Variants in GABRG3 observed in about 807,000 individuals in gnomAD.
GABRG3 encodes gamma-aminobutyric acid receptor subunit gamma-3.
In GABRG3, 25 loss-of-function variants were observed where a neutral mutation model predicts 48.8. The observed-to-expected ratio is 0.51, with a 90% CI of 0.37 to 0.72. The LOEUF (loss-of-function observed/expected upper bound fraction) is 0.72, where lower values mean the gene tolerates loss of function less well. Among genes scored for constraint, GABRG3 ranks in the 30% least tolerant of loss-of-function variants. The pLI is 0.00. For synonymous variants in GABRG3, 227 were observed against 217.6 expected (o/e 1.04, Z -0.38); for missense variants, 394 against 577.9 (o/e 0.68, Z 3.26).
At chr15:27,143,924 G>A (rs1282464227) in intron 3 of GABRG3, among the ~76,000 whole-genome samples, 5 of 152,022 alleles carry the variant, frequency 3.3e-5, no homozygotes, top group Admixed American at 1.3e-4. Flanking sequence ...ACTAGAAAAC[G>A]GGAAATTTAT....
At position 27,075,393 on chromosome 15, in the gene GABRG3, T is replaced by C. The variant is rs1896894079; in HGVS notation, c.270+48572T>C. Among the ~76,000 whole-genome samples the C allele has an allele frequency of 2.6e-5, 4 of 152,336 alleles. No homozygotes were observed. In the South Asian group the frequency reaches 8.3e-4, roughly 32 times the overall value. ...AAGGGAAATGGAATCTTGGTTTATTTTGGCATCCTAGCATCAGGGATGGTG... is the reference window on the plus strand; with the variant it reads ...AAGGGAAATGGAATCTTGGTTTATTCTGGCATCCTAGCATCAGGGATGGTG... On this transcript the variant is annotated intron_variant, in intron 3 of 9. Coordinates refer to ENST00000615808, the MANE Select transcript of GABRG3 (RefSeq NM_033223.5).
chr15:27,136,217 A>T (rs2140386303), intron 3 of GABRG3, among the ~76,000 whole-genome samples: 1 of 152,326 alleles, frequency 6.6e-6, no homozygotes, highest in South Asian at 2.1e-4. Flanking sequence ...TAAGGCTCTG[A>T]AGAGCTATAC....
At chr15:27,137,703 T>C (rs1898034311) in intron 3 of GABRG3, among the ~76,000 whole-genome samples, 1 of 152,212 alleles carries the variant, frequency 6.6e-6, no homozygotes. Flanking sequence ...TTCACAGGAC[T>C]TGTCTCTAGT....
chr15:27,430,786 TC>T (rs1047290364), intron 5 of GABRG3, among the ~76,000 whole-genome samples: 2 of 151,858 alleles, frequency 1.3e-5, no homozygotes, highest in Non-Finnish European at 2.9e-5. Flanking sequence ...AGCCAGGAGT[TC>T]ATGACCAGCC....
intron 2 of GABRG3, among the ~76,000 whole-genome samples, chr15:27,021,611 C>T (rs966373878): frequency 5.3e-5 from 8 of 152,132 alleles, no homozygotes; most frequent in South Asian, 2.1e-4. Flanking sequence ...GAGGCCCAAG[C>T]GGGAAGGCTG....
intron 3 of GABRG3, among the ~76,000 whole-genome samples, chr15:27,096,130 G>A (rs1489145195): frequency 1.3e-5 from 2 of 152,170 alleles, no homozygotes; most frequent in Admixed American, 6.5e-5. Context: ...GTTCTTTCAC[G>A]ATTCACAGTG....
At chr15:27,362,264 T>A (rs888683826) in intron 5 of GABRG3, 15 of 152,256 alleles carry the variant, frequency 9.9e-5, no homozygotes, top group African/African-American at 3.4e-4. Flanking sequence ...GTTTTGCTCA[T>A]GATCAGAAAT....
At chr15:27,471,663 G>T (rs1416041757) in intron 5 of GABRG3, among the ~76,000 whole-genome samples, 1 of 152,092 alleles carries the variant, frequency 6.6e-6, no homozygotes, top group Non-Finnish European at 1.5e-5. Context: ...TTGCAAATGT[G>T]GTTTCAGAAT....
chr15:27,463,130 A>G (rs1286356484), intron 5 of GABRG3, among the ~76,000 whole-genome samples: 1 of 152,204 alleles, frequency 6.6e-6, no homozygotes, highest in African/African-American at 2.4e-5. Context: ...ATTCAAAATT[A>G]ATACATAAGG....
chr15:27,182,424 C>A (rs1887960843), intron 3 of GABRG3, among the ~76,000 whole-genome samples: 1 of 152,126 alleles, frequency 6.6e-6, no homozygotes. Flanking sequence ...ATGGATTGTA[C>A]AGGTTTGGCT....
intron 3 of GABRG3, among the ~76,000 whole-genome samples, chr15:27,255,982 C>A (rs1890598843): frequency 6.6e-6 from 1 of 152,174 alleles, no homozygotes. Flanking sequence ...ATTCCCAGAA[C>A]CTGTGTCTAT....
chr15:27,219,214 T>G (rs1268239373), intron 3 of GABRG3, among the ~76,000 whole-genome samples: 2 of 152,200 alleles, frequency 1.3e-5, no homozygotes, highest in Non-Finnish European at 2.9e-5. Context: ...TTTCTATTGC[T>G]CTACACTGTG....
intron 3 of GABRG3, among the ~76,000 whole-genome samples, chr15:27,163,228 C>T (rs762742323): frequency 7.2e-5 from 11 of 152,090 alleles, no homozygotes; most frequent in African/African-American, 1.4e-4. Context: ...GGCTGGGCAC[C>T]GTGGCTCATG....
chr15:27,199,307 C>T (rs1208906473), intron 3 of GABRG3, among the ~76,000 whole-genome samples: 1 of 152,110 alleles, frequency 6.6e-6, no homozygotes, highest in African/African-American at 2.4e-5. Flanking sequence ...TTCCTTACTG[C>T]AACAAAACAA....
intron 3 of GABRG3, among the ~76,000 whole-genome samples, chr15:27,307,345 A>ATATGTTTATATATAAACATATAGGTT (rs1892624237): frequency 7.6e-6 from 1 of 131,248 alleles, no homozygotes; most frequent in African/African-American, 3.2e-5. Flanking sequence ...CCATAGGTTT[A>ATATGTTTATATATAAACATATAGGTT]TATATGTTTA....
At chr15:27,330,126 G>A (rs1053959000) in intron 5 of GABRG3, among the ~76,000 whole-genome samples, 6 of 152,164 alleles carry the variant, frequency 3.9e-5, no homozygotes, top group Admixed American at 1.3e-4. Flanking sequence ...TGTAGTCCCA[G>A]CTACTTGGGA....
At chr15:27,038,837 CA>C (rs1896224739) in intron 3 of GABRG3, among the ~76,000 whole-genome samples, 1 of 152,090 alleles carries the variant, frequency 6.6e-6, no homozygotes, top group South Asian at 2.1e-4. Context: ...GGAATGTCAG[CA>C]AAGAACTGTC....
chr15:27,518,578 G>A (rs975570364), intron 6 of GABRG3, among the ~76,000 whole-genome samples: 7 of 152,156 alleles, frequency 4.6e-5, no homozygotes, highest in Non-Finnish European at 8.8e-5. Context: ...TCCTGGGGAA[G>A]TAAGTGATTT....
intron 4 of GABRG3, among the ~76,000 whole-genome samples, chr15:27,328,104 A>AAAAC (rs1192355532): frequency 6.7e-6 from 1 of 149,960 alleles, no homozygotes; most frequent in Non-Finnish European, 1.5e-5. Context: ...AATTACAGCA[A>AAAAC]AAACAAACAA....
Sources: gnomAD v4.1 joint callset for allele counts (sites outside exome capture counted in the v4.1 genomes callset) on GRCh38, gnomAD v4.1.1 for gene constraint, MANE v1.5 for transcripts, NCBI Gene and HGNC (gene_info 2026-07-23, HGNC 2026-07-21) for gene names.